The following GRIK2 variants were observed in gnomAD, a reference collection of about 807,000 sequenced individuals.
The protein encoded by GRIK2 is glutamate ionotropic receptor kainate type subunit 2.
Under a neutral mutation model 100.3 loss-of-function variants are expected in GRIK2, and 32 were observed. The observed-to-expected ratio is 0.32, with a 90% confidence interval of 0.24 to 0.43. The LOEUF is 0.43. Among genes scored for constraint, GRIK2 ranks in the 20% least tolerant of loss-of-function variants. GRIK2 has a pLI of 1.00. For missense variants in GRIK2, 843 were observed against 1,114.9 expected (o/e 0.76, Z 3.47); for synonymous variants, 417 against 389.4 (o/e 1.07, Z -0.83).
At chr6:101,986,938 A>G (rs1794044624) in intron 14 of GRIK2, among the ~76,000 whole-genome samples, 1 of 151,866 alleles carries the variant, frequency 6.6e-6, no homozygotes, top group South Asian at 2.1e-4. Context: ...CTAGGTGTTC[A>G]AGATCAGCCT....
At chr6:101,813,390 A>C (rs1781452670) in intron 9 of GRIK2, among the ~76,000 whole-genome samples, 1 of 152,182 alleles carries the variant, frequency 6.6e-6, no homozygotes, top group African/African-American at 2.4e-5. Context: ...GAAGGCAGCA[A>C]AAATACCTTT....
chr6:101,830,870 A>T (rs181965770), intron 10 of GRIK2, among the ~76,000 whole-genome samples: 2 of 152,012 alleles, frequency 1.3e-5, no homozygotes, highest in African/African-American at 4.8e-5. Context: ...CAGAAACAGA[A>T]AACCAAATAC....
chr6:101,479,040 C>CA (rs564514635), intron 2 of GRIK2, among the ~76,000 whole-genome samples: 78 of 151,910 alleles, frequency 5.1e-4, no homozygotes, highest in African/African-American at 1.8e-3. Context: ...GAAAACAAAC[C>CA]AAAAAAATGT....
chr6:102,016,574 TA>T (rs964942715), intron 14 of GRIK2, among the ~76,000 whole-genome samples: 3 of 149,222 alleles, frequency 2.0e-5, no homozygotes, highest in African/African-American at 7.4e-5. Flanking sequence ...AAAAAAAATT[TA>T]AAAAAAAATG....
At chr6:101,862,518 C>G (rs1488988278) in intron 11 of GRIK2, among the ~76,000 whole-genome samples, 2 of 151,994 alleles carry the variant, frequency 1.3e-5, no homozygotes, top group Non-Finnish European at 2.9e-5. Flanking sequence ...AGCCTTGAAG[C>G]CCTTGGCTCA....
At chr6:101,494,032 AATTT>A (rs1336272781) in intron 2 of GRIK2, among the ~76,000 whole-genome samples, 5 of 82,066 alleles carry the variant, frequency 6.1e-5, no homozygotes, top group East Asian at 3.4e-4. Context: ...TTATATATAT[AATTT>A]ATTATATAAA....
At chr6:101,657,787 G>C (rs1486225159) in intron 4 of GRIK2, among the ~76,000 whole-genome samples, 1 of 151,986 alleles carries the variant, frequency 6.6e-6, no homozygotes, top group Non-Finnish European at 1.5e-5. Context: ...TCAGTTAAGG[G>C]TGTAAATTTT....
At chr6:101,742,513 G>A (rs1369270252) in intron 7 of GRIK2, among the ~76,000 whole-genome samples, 3 of 152,156 alleles carry the variant, frequency 2.0e-5, no homozygotes, top group Non-Finnish European at 2.9e-5. Context: ...CAAGGTGGTC[G>A]GGGTGCAGCT....
At chr6:102,026,148 A>G (rs954807700) in intron 14 of GRIK2, among the ~76,000 whole-genome samples, 8 of 112,464 alleles carry the variant, frequency 7.1e-5, no homozygotes, top group South Asian at 2.7e-4. Context: ...ATATATATAT[A>G]TATATATGAA....
At chr6:101,913,887 A>G (rs749924215) in intron 12 of GRIK2, among the ~76,000 whole-genome samples, 66 of 151,526 alleles carry the variant, frequency 4.4e-4, no homozygotes, top group Non-Finnish European at 8.0e-4. Flanking sequence ...TCAGCTTTCT[A>G]AAGCCTTGAA....
chr6:101,837,725 T>C (rs913306701), intron 10 of GRIK2, among the ~76,000 whole-genome samples: 3 of 152,146 alleles, frequency 2.0e-5, no homozygotes, highest in African/African-American at 4.8e-5. Flanking sequence ...AATGGGTAGT[T>C]CTCCAGAAAT....
Position 101,808,102 on chromosome 6 carries a change from G to A in GRIK2, c.1203+5664G>A, listed in dbSNP as rs368542182. Among the ~76,000 whole-genome samples, 215 of 152,056 alleles carry A rather than the reference G, an allele frequency of 1.4e-3. 1 individual carries two copies. The highest frequency in any genetic ancestry group is 0.012 in the South Asian group (58 of 4,824). ...TCCATCACCTGAAGCTTAGCTATGT[G>A]CTTAGGAAAGACCAGCTCTAGAGGG... On this transcript the variant is annotated intron_variant, in intron 9 of 16. Coordinates refer to ENST00000369134, the MANE Select transcript of GRIK2 (RefSeq NM_021956.5).
chr6:101,402,811 C>A (rs1042748130), intron 2 of GRIK2, among the ~76,000 whole-genome samples: 2 of 152,314 alleles, frequency 1.3e-5, no homozygotes, highest in South Asian at 2.1e-4. Context: ...GGGCATCCAG[C>A]GCGTCCCAGC....
At chr6:101,572,364 T>G (rs1458880980) in intron 2 of GRIK2, among the ~76,000 whole-genome samples, 1 of 152,118 alleles carries the variant, frequency 6.6e-6, no homozygotes, top group African/African-American at 2.4e-5. Flanking sequence ...CCATCATAAT[T>G]ATTTCTGAGT....
At chr6:102,037,871 T>C (rs1770354861) in intron 15 of GRIK2, among the ~76,000 whole-genome samples, 1 of 151,306 alleles carries the variant, frequency 6.6e-6, no homozygotes, top group African/African-American at 2.4e-5. Flanking sequence ...AATGCACCAG[T>C]TATTTGGAAT....
chr6:101,642,089 A>G (rs994738160), intron 4 of GRIK2, among the ~76,000 whole-genome samples: 5 of 151,920 alleles, frequency 3.3e-5, no homozygotes, highest in Non-Finnish European at 7.4e-5. Flanking sequence ...ATATACATAT[A>G]TAAATAGTTT....
chr6:101,902,518 A>G (rs1787915241), intron 12 of GRIK2, among the ~76,000 whole-genome samples: 1 of 151,918 alleles, frequency 6.6e-6, no homozygotes, highest in South Asian at 2.1e-4. Flanking sequence ...TTTATACCTA[A>G]ACAATTAGCA....
Position 101,802,400 on chromosome 6 carries a change from T to G in GRIK2, c.1165T>G (p.Leu389Val). 1 of 1,586,932 alleles carries G rather than the reference T, an allele frequency of 6.3e-7. No homozygotes were observed. The change falls in exon 9 of 17, where the codon TTG (leucine) becomes GTG (valine). Residue 389 changes from leucine (L) to valine (V), a missense_variant. This residue lies in a region of GRIK2 where 519 missense variants were observed against 643.8 expected (regional missense o/e 0.81). Coordinates refer to ENST00000369134, the MANE Select transcript of GRIK2 (RefSeq NM_021956.5). ...KTNGLRTDFD[L>V]DVISLKEEGL... is the part of the protein sequence containing the mutation. ...CAATGGCTTGAGAACAGATTTTGATTTGGATGTGATCAGTCTGAAGGAAGA... is the reference window on the plus strand; with the variant it reads ...CAATGGCTTGAGAACAGATTTTGATGTGGATGTGATCAGTCTGAAGGAAGA...
At chr6:101,710,081 G>C (rs983591457) in intron 7 of GRIK2, among the ~76,000 whole-genome samples, 26 of 151,876 alleles carry the variant, frequency 1.7e-4, no homozygotes, top group Admixed American at 1.6e-3. Context: ...CAATGCCACT[G>C]TTAGAGATAC....
Sources: gnomAD v4.1 joint callset for allele counts (sites outside exome capture counted in the v4.1 genomes callset) on GRCh38, gnomAD v4.1.1 for gene constraint, gnomAD v4.1.1 regional missense constraint, MANE v1.5 for transcripts, NCBI Gene and HGNC (gene_info 2026-07-23, HGNC 2026-07-21) for gene names.